B3GALT5: variants seen among roughly 807,000 people sequenced by gnomAD.
The protein encoded by B3GALT5 is UDP-Gal:betaGlcNAc beta 1,3-galactosyltransferase, polypeptide 5.
For missense variants in B3GALT5, 328 were observed against 396.6 expected (o/e 0.83, Z 1.47); for synonymous variants, 156 against 158.6 (o/e 0.98, Z 0.12).
chr21:39,617,069 C>T (rs972096717), intron 1 of B3GALT5, among the ~76,000 whole-genome samples: 3 of 152,204 alleles, frequency 2.0e-5, no homozygotes, highest in African/African-American at 7.2e-5. Flanking sequence ...ATTGTTGAAG[C>T]TCCCTCTGTC....
intron 1 of B3GALT5, among the ~76,000 whole-genome samples, chr21:39,638,007 T>C (rs1454291323): frequency 6.6e-6 from 1 of 152,144 alleles, no homozygotes. Context: ...GGTCCACTTG[T>C]CATAATGTCC....
intron 2 of B3GALT5, among the ~76,000 whole-genome samples, chr21:39,651,896 C>T (rs1016068925): frequency 3.3e-5 from 5 of 152,124 alleles, no homozygotes; most frequent in African/African-American, 9.7e-5. Context: ...TAATTGATTT[C>T]CCCTGTGATT....
chr21:39,635,509 G>T (rs2079220974), intron 1 of B3GALT5, among the ~76,000 whole-genome samples: 1 of 151,876 alleles, frequency 6.6e-6, no homozygotes, highest in Admixed American at 6.6e-5. Context: ...ATGGAGTTTT[G>T]CTCTTGTTGC....
At chr21:39,614,317 C>A (rs371784761) in intron 1 of B3GALT5, among the ~76,000 whole-genome samples, 15 of 152,116 alleles carry the variant, frequency 9.9e-5, no homozygotes, top group Admixed American at 3.3e-4. Flanking sequence ...AAAGTCAGTT[C>A]GTCTTAAGTA....
At chr21:39,617,485 C>T (rs2079112839) in intron 1 of B3GALT5, among the ~76,000 whole-genome samples, 2 of 152,084 alleles carry the variant, frequency 1.3e-5, no homozygotes, top group South Asian at 2.1e-4. Context: ...AACATGTGAG[C>T]GTGTGGGAAA....
At chr21:39,626,159 A>G (rs2079162747) in intron 1 of B3GALT5, among the ~76,000 whole-genome samples, 1 of 152,150 alleles carries the variant, frequency 6.6e-6, no homozygotes, top group Admixed American at 6.5e-5. Flanking sequence ...TAGGTAGCCC[A>G]TGTAAGTGAA....
At chr21:39,646,258 A>G (rs1399842431) in intron 1 of B3GALT5, 134 bp from the exon 2 acceptor site, 1 of 152,086 alleles carries the variant, frequency 6.6e-6, no homozygotes, top group Non-Finnish European at 1.5e-5. Context: ...TATGAACAGC[A>G]CGGGTGAAAC....
rs1444197542 is a variant in B3GALT5, at chr21:39,670,754, G to A, written c.*9262G>A. On this transcript the variant is annotated 3_prime_UTR_variant, in exon 4 of 4. Transcript: ENST00000684187. ...AAGAAAAAAAAAAACAGGCTTTGGT[G>A]ACTCTCATGGGCCCTCCGTGCCAAG... 1 of 151,896 alleles carries A rather than the reference G, an allele frequency of 6.6e-6. No homozygotes were observed. The highest frequency in any genetic ancestry group is 2.4e-5 in the African/African-American group (1 of 41,342). 9.4% of individuals were successfully genotyped at this position (151,896 alleles called of 1,614,324 possible). A position where few individuals can be genotyped will look rare whatever the true frequency, so the allele number is the denominator to read the frequency against.
chr21:39,640,964 C>G (rs551999593), intron 1 of B3GALT5, among the ~76,000 whole-genome samples: 1 of 151,970 alleles, frequency 6.6e-6, no homozygotes, highest in Admixed American at 6.6e-5. Context: ...GGTGTCGTCT[C>G]GAACTCCTGG....
rs751307456 is a variant in B3GALT5 at position 39,661,533 on chromosome 21, C to T, written c.*41C>T. The T allele has an allele frequency of 7.5e-6, 11 of 1,469,036 alleles. No individual in the cohort carries two copies. The highest frequency in any genetic ancestry group is 5.0e-5 in the Admixed American group (2 of 39,956). 91.0% of individuals were successfully genotyped at this position (1,469,036 alleles called of 1,614,324 possible). ...ACATCCGGACAAGTTTCAGATAACC[C>T]GTGGGGATAGTTTTTGCTAGATTTT... On this transcript the variant is annotated 3_prime_UTR_variant, in exon 4 of 4. Transcript: ENST00000684187. This position sits in a 1 kb window ranked among gnomAD's most constrained non-coding sequence, Gnocchi z 4.7.
Position 39,659,871 on chromosome 21 carries a change from G to T in B3GALT5, c.-42G>T. The T allele has an allele frequency of 1.0e-6, 1 of 985,204 alleles. No homozygotes were observed. Among genetic ancestry groups the T allele is most frequent in the South Asian group, 4.7e-5 (1 of 21,272 alleles). The allele number at this position is 985,204 out of a possible 1,614,324, so 61.0% of individuals were successfully genotyped here. ...ATTTCCTCTTGGCATTTACACTGTGGCTTTAGCTTTCAAACCAGAGGTTCC... is the reference window on the plus strand; with the variant it reads ...ATTTCCTCTTGGCATTTACACTGTGTCTTTAGCTTTCAAACCAGAGGTTCC... On this transcript the variant is annotated 5_prime_UTR_variant, in exon 3 of 4. Transcript: ENST00000684187.
Position 39,661,653 on chromosome 21 carries a change from G to T in B3GALT5, c.*161G>T. 1.5e-6 allele frequency: 1 copy of T among 657,296 alleles called. No individual in the cohort carries two copies. The highest frequency in any genetic ancestry group is 2.4e-6 in the Non-Finnish European group (1 of 421,804). 40.7% of individuals were successfully genotyped at this position (657,296 alleles called of 1,614,324 possible). A position where few individuals can be genotyped will look rare whatever the true frequency, so the allele number is the denominator to read the frequency against. On this transcript the variant is annotated 3_prime_UTR_variant, in exon 4 of 4. Transcript: ENST00000684187. The surrounding 1 kb of genome is among the most constrained non-coding windows in gnomAD (Gnocchi z 4.7). Reference sequence around the variant, plus strand: ...GAAGTCACTGATTAGTTCCCACTTGGTGCCCCAGGCAATAATAGGCCCGTC... The same window carrying T: ...GAAGTCACTGATTAGTTCCCACTTGTTGCCCCAGGCAATAATAGGCCCGTC...
At chr21:39,625,871 A>C (rs190352522) in intron 1 of B3GALT5, among the ~76,000 whole-genome samples, 150 of 152,174 alleles carry the variant, frequency 9.9e-4, no homozygotes, top group Non-Finnish European at 1.8e-3. Flanking sequence ...GGGTATAATC[A>C]ATATTATGCA....
chr21:39,641,720 T>C (rs769386154), intron 1 of B3GALT5, among the ~76,000 whole-genome samples: 2 of 152,244 alleles, frequency 1.3e-5, no homozygotes, highest in Non-Finnish European at 2.9e-5. Flanking sequence ...TTAAGCATTA[T>C]AAGTGACATT....
At chr21:39,646,199 C>T (rs1212338370) in intron 1 of B3GALT5, among the ~76,000 whole-genome samples, 193 bp from the exon 2 acceptor site, 1 of 152,128 alleles carries the variant, frequency 6.6e-6, no homozygotes, top group Non-Finnish European at 1.5e-5. Context: ...TGCTTCTCAA[C>T]ACTCCTGAGG....
rs139832994 is a variant in B3GALT5, at chr21:39,657,719, A to G, written c.-160-2034A>G. On this transcript the variant is annotated intron_variant, in intron 2 of 3. Transcript: ENST00000684187. ...GACTTACCTACCTACCTGCCTATCT[A>G]TCTTTTGATTAATCTACCTATCAAT... The G allele has an allele frequency of 5.2e-3, 2,749 of 523,732 alleles. 8 individuals carry two copies. Among genetic ancestry groups the G allele is most frequent in the Non-Finnish European group, 6.1e-3 (2,086 of 342,552 alleles). 32.4% of individuals were successfully genotyped at this position (523,732 alleles called of 1,614,324 possible). A position where few individuals can be genotyped will look rare whatever the true frequency, so the allele number is the denominator to read the frequency against.
chr21:39,652,034 G>T (rs1291754757), intron 2 of B3GALT5, among the ~76,000 whole-genome samples: 3 of 152,162 alleles, frequency 2.0e-5, no homozygotes, highest in African/African-American at 7.2e-5. Context: ...TCCTTAACTG[G>T]CTCTGGAAAG....
In B3GALT5 at chr21:39,664,409, C is replaced by G. The variant is rs2079560339; in HGVS notation, c.*2917C>G. Reference sequence around the variant, plus strand: ...CCCTGGTATTGGACTGACTCCAGCTCTTCTTCCACAGCTCCTGATGTGGCC... The same window carrying G: ...CCCTGGTATTGGACTGACTCCAGCTGTTCTTCCACAGCTCCTGATGTGGCC... On this transcript the variant is annotated 3_prime_UTR_variant, in exon 4 of 4. Coordinates refer to ENST00000684187, the MANE Select transcript of B3GALT5 (RefSeq NM_001356336.2). 1.3e-5 allele frequency: 2 copies of G among 152,808 alleles called. No homozygotes were observed. Among genetic ancestry groups the G allele is most frequent in the African/African-American group, 4.8e-5 (2 of 41,428 alleles). The allele number at this position is 152,808 out of a possible 1,614,324, so 9.5% of individuals were successfully genotyped here.
intron 1 of B3GALT5, among the ~76,000 whole-genome samples, chr21:39,616,088 CT>C (rs997282700): frequency 6.6e-6 from 1 of 151,402 alleles, no homozygotes; most frequent in African/African-American, 2.4e-5. Context: ...TGGTCCCTGT[CT>C]TTTTTTTTGT....
Sources: allele counts gnomAD v4.1 joint callset (sites outside exome capture counted in the v4.1 genomes callset), GRCh38; gene constraint gnomAD v4.1.1; non-coding constraint Gnocchi (gnomAD v3.1); transcripts MANE v1.5; gene names NCBI Gene and HGNC (gene_info 2026-07-23, HGNC 2026-07-21).